TBC1D1: variants seen among roughly 807,000 people sequenced by gnomAD.
TBC1D1 encodes TBC1 domain family member 1.
In TBC1D1, 89 loss-of-function variants were observed where a neutral mutation model predicts 125.6. The ratio of observed to expected loss-of-function variants is 0.71; its 90% CI spans 0.60 to 0.85. The LOEUF (loss-of-function observed/expected upper bound fraction) is 0.85. TBC1D1 is among the 40% of genes least tolerant of loss of function. TBC1D1 has a pLI of 0.00. For synonymous variants in TBC1D1, 565 were observed against 564.1 expected (o/e 1.00, Z -0.02); for missense variants, 1,377 against 1,469.2 (o/e 0.94, Z 1.03).
Position 37,908,540 on chromosome 4 carries a change from G to A in TBC1D1, c.417+6028G>A, listed in dbSNP as rs545620673. Reference sequence around the variant, plus strand: ...TGTTTTTTAACTGGCATTTCTTATCGCACTCGAAATATGTCATGGCTCTTC... The same window carrying A: ...TGTTTTTTAACTGGCATTTCTTATCACACTCGAAATATGTCATGGCTCTTC... On this transcript the variant is annotated intron_variant, in intron 2 of 19. Transcript: ENST00000261439. 9.9e-5 allele frequency among the ~76,000 whole-genome samples: 15 copies of A among 152,142 alleles called. No homozygotes were observed. The East Asian group carries it at 2.1e-3, about 22-fold the overall frequency.
rs564855356 is a variant in TBC1D1 at position 37,964,900 on chromosome 4, G to C, written c.418-49609G>C. 5.3e-5 allele frequency among the ~76,000 whole-genome samples: 8 copies of C among 152,328 alleles called. No homozygotes were observed. In the South Asian group the frequency reaches 1.4e-3, roughly 28 times the overall value. Reference sequence around the variant, plus strand: ...CCTTCCCTGACAGAGCCTGCTATTGGCAGGAAGCTGCCAGAGCATGGTGTC... The same window carrying C: ...CCTTCCCTGACAGAGCCTGCTATTGCCAGGAAGCTGCCAGAGCATGGTGTC... On this transcript the variant is annotated intron_variant, in intron 2 of 19. Coordinates refer to ENST00000261439, the MANE Select transcript of TBC1D1 (RefSeq NM_015173.4).
intron 12 of TBC1D1, among the ~76,000 whole-genome samples, chr4:38,089,695 G>A (rs982826259): frequency 6.6e-6 from 1 of 152,058 alleles, no homozygotes; most frequent in South Asian, 2.1e-4. Flanking sequence ...TTAAAAAGCA[G>A]GTATCTTTAA....
chr4:38,113,610 A>G (rs1032452848), intron 15 of TBC1D1, among the ~76,000 whole-genome samples: 8 of 152,234 alleles, frequency 5.3e-5, no homozygotes, highest in Non-Finnish European at 1.5e-5. Flanking sequence ...ATGGGACAGG[A>G]GCATCAGCAG....
intron 7 of TBC1D1, among the ~76,000 whole-genome samples, chr4:38,029,052 T>C (rs1745632845): frequency 6.6e-6 from 1 of 152,222 alleles, no homozygotes; most frequent in Non-Finnish European, 1.5e-5. Flanking sequence ...CCATGCTGTG[T>C]GTGCTGGCAT....
At chr4:38,131,369 A>G (rs1230458548) in intron 18 of TBC1D1, among the ~76,000 whole-genome samples, 1 of 152,224 alleles carries the variant, frequency 6.6e-6, no homozygotes, top group Non-Finnish European at 1.5e-5. Context: ...AAACAATCTC[A>G]GTTTTAACAT....
intron 11 of TBC1D1, among the ~76,000 whole-genome samples, chr4:38,051,687 G>A (rs1011428950): frequency 1.3e-5 from 2 of 152,072 alleles, no homozygotes; most frequent in Admixed American, 1.3e-4. Context: ...GGTCAAGAAC[G>A]GCCGTCAATA....
chr4:38,035,557 AT>A (rs1747047281), intron 7 of TBC1D1, 30 bp from the exon 8 acceptor site: 2 of 1,570,772 alleles, frequency 1.3e-6, no homozygotes, highest in African/African-American at 1.4e-5. Flanking sequence ...ACGATTAAAA[AT>A]AAATCCTGTT....
intron 7 of TBC1D1, among the ~76,000 whole-genome samples, chr4:38,034,979 G>C (rs1746926775): frequency 1.3e-5 from 2 of 152,180 alleles, no homozygotes; most frequent in African/African-American, 4.8e-5. Flanking sequence ...CACACTTCTC[G>C]GCAGCAGCCG....
At position 38,011,370 on chromosome 4, in the gene TBC1D1, A is replaced by T. The variant is rs556244250; in HGVS notation, c.418-3139A>T. 1.2e-3 allele frequency among the ~76,000 whole-genome samples: 181 copies of T among 151,556 alleles called. 1 individual carries two copies. Among genetic ancestry groups the T allele is most frequent in the African/African-American group, 4.1e-3 (171 of 41,320 alleles). On this transcript the variant is annotated intron_variant, in intron 2 of 19. Transcript: ENST00000261439. ...CTCCATCTCAAAAAAAAAAAAAAAGAAAAAGAAAAAAAGAAAAAACAGTGC... is the reference window on the plus strand; with the variant it reads ...CTCCATCTCAAAAAAAAAAAAAAAGTAAAAGAAAAAAAGAAAAAACAGTGC...
In TBC1D1 at chr4:37,911,469, A is replaced by G. The variant is rs116251128; in HGVS notation, c.417+8957A>G. 7.2e-3 allele frequency among the ~76,000 whole-genome samples: 1,102 copies of G among 152,108 alleles called. 15 individuals carry two copies. The highest frequency in any genetic ancestry group is 0.025 in the African/African-American group (1,045 of 41,506). ...GATTGGGGTTGAGATTTGGGGGAGG[A>G]GCCTGATGCAGGATTTTAGGGAAAG... On this transcript the variant is annotated intron_variant, in intron 2 of 19. Transcript: ENST00000261439.
At chr4:38,114,931 G>A (rs548921188) in intron 15 of TBC1D1, among the ~76,000 whole-genome samples, 40 of 152,130 alleles carry the variant, frequency 2.6e-4, no homozygotes, top group African/African-American at 9.6e-4. Context: ...GTGTAGTCTG[G>A]GAAAAGCAGA....
intron 2 of TBC1D1, among the ~76,000 whole-genome samples, chr4:37,971,506 C>A (rs1732015036): frequency 6.6e-6 from 1 of 152,242 alleles, no homozygotes; most frequent in Non-Finnish European, 1.5e-5. Flanking sequence ...AGGGAAATCA[C>A]CCCCATGATT....
chr4:37,925,240 G>A (rs745795028), intron 2 of TBC1D1, among the ~76,000 whole-genome samples: 7 of 152,168 alleles, frequency 4.6e-5, no homozygotes, highest in African/African-American at 7.2e-5. Context: ...ATGGTGCAGG[G>A]CCAGGTCTAC....
chr4:37,917,382 C>T lies in TBC1D1; in HGVS notation c.417+14870C>T, dbSNP rs186577022. Reference sequence around the variant, plus strand: ...CCCAGCTACTCGGGAGGCTGAGGCACGAGAATTGCTTGAACCCGGGAGGTA... The same window carrying T: ...CCCAGCTACTCGGGAGGCTGAGGCATGAGAATTGCTTGAACCCGGGAGGTA... On this transcript the variant is annotated intron_variant, in intron 2 of 19. Coordinates refer to ENST00000261439, the MANE Select transcript of TBC1D1 (RefSeq NM_015173.4). 1.2e-3 allele frequency among the ~76,000 whole-genome samples: 182 copies of T among 152,066 alleles called. 1 individual carries two copies. Among genetic ancestry groups the T allele is most frequent in the African/African-American group, 3.2e-3 (132 of 41,494 alleles).
intron 6 of TBC1D1, among the ~76,000 whole-genome samples, 177 bp downstream of exon 6, chr4:38,021,895 G>A (rs942292879): frequency 2.6e-5 from 4 of 152,170 alleles, no homozygotes; most frequent in Non-Finnish European, 2.9e-5. Context: ...GAATTGTGCC[G>A]GATGCTGGTG....
intron 12 of TBC1D1, among the ~76,000 whole-genome samples, chr4:38,080,908 T>C (rs1371034117): frequency 6.6e-6 from 1 of 152,230 alleles, no homozygotes; most frequent in East Asian, 1.9e-4. Context: ...AAACACCTTA[T>C]GATATGTTTC....
intron 19 of TBC1D1, among the ~76,000 whole-genome samples, chr4:38,134,257 A>C (rs1167434445): frequency 6.6e-6 from 1 of 152,220 alleles, no homozygotes; most frequent in Non-Finnish European, 1.5e-5. Context: ...AGGCCAGCCT[A>C]GTGAGTCAAG....
rs777130926 is a variant in TBC1D1 at position 38,014,820 on chromosome 4, G to T, written c.729G>T (p.Ser243=). Residue 243 remains serine (S), a synonymous_variant, in exon 3 of 20, where the codon TCG becomes TCT. Coordinates refer to ENST00000261439, the MANE Select transcript of TBC1D1 (RefSeq NM_015173.4). The surrounding 1 kb of genome is among the most constrained non-coding windows in gnomAD (Gnocchi z 5.1). ...CCTTCTCCCAGCCCGGCCTGCGCTC[G>T]CTGGCCTTTAGGAAGGAGCTGCAGG... 3 of 1,608,372 alleles carry T rather than the reference G, an allele frequency of 1.9e-6. No homozygotes were observed. Among genetic ancestry groups the T allele is most frequent in the Non-Finnish European group, 2.5e-6 (3 of 1,176,794 alleles).
At chr4:38,135,954 A>G (rs10695782) in intron 19 of TBC1D1, among the ~76,000 whole-genome samples, 310 of 107,426 alleles carry the variant, frequency 2.9e-3, no homozygotes, top group South Asian at 0.016. Context: ...GTGTGTGTGT[A>G]TATATGTGTA....
Sources: allele counts gnomAD v4.1 joint callset (sites outside exome capture counted in the v4.1 genomes callset), GRCh38; gene constraint gnomAD v4.1.1; non-coding constraint Gnocchi (gnomAD v3.1); transcripts MANE v1.5; gene names NCBI Gene and HGNC (gene_info 2026-07-23, HGNC 2026-07-21).